CIBAR2: variants seen among roughly 807,000 people sequenced by gnomAD.
CIBAR2 encodes CBY1 interacting BAR domain containing 2.
Under a neutral mutation model 36.2 loss-of-function variants are expected in CIBAR2, and 38 were observed. The observed-to-expected ratio is 1.05, with a 90% confidence interval of 0.81 to 1.38. The LOEUF (loss-of-function observed/expected upper bound fraction) is 1.38, where lower values mean the gene tolerates loss of function less well. Among genes scored for constraint, CIBAR2 ranks in the 40% most tolerant of loss-of-function variants. The pLI is 0.00. For missense variants in CIBAR2, 481 were observed against 383.4 expected (o/e 1.25, Z -2.13); for synonymous variants, 182 against 149.5 (o/e 1.22, Z -1.58).
intron 5 of CIBAR2, among the ~76,000 whole-genome samples, chr16:85,107,078 G>A (rs530051768): frequency 3.2e-4 from 48 of 152,166 alleles, no homozygotes; most frequent in African/African-American, 1.1e-3. Context: ...CCCTGGAGGC[G>A]GAGGTTGCAG....
chr16:85,102,429 G>A (rs1471169214), intron 6 of CIBAR2, 102 bp from the exon 7 acceptor site: 21 of 725,284 alleles, frequency 2.9e-5, no homozygotes, highest in South Asian at 9.0e-5. Context: ...AGGGCTGTCC[G>A]TGTGGGGACA....
At chr16:85,110,731 G>A (rs1216237731) in intron 1 of CIBAR2, among the ~76,000 whole-genome samples, 2 of 130,316 alleles carry the variant, frequency 1.5e-5, no homozygotes, top group Non-Finnish European at 3.2e-5. Flanking sequence ...TGGAGACAGA[G>A]TCTTGCTCTG....
intron 1 of CIBAR2, among the ~76,000 whole-genome samples, chr16:85,110,702 G>T (rs1323726376): frequency 1.0e-5 from 1 of 98,456 alleles, no homozygotes; most frequent in Non-Finnish European, 2.1e-5. Context: ...TGCAGACCTG[G>T]CCTTTTTTTT....
intron 5 of CIBAR2, among the ~76,000 whole-genome samples, chr16:85,107,350 T>C (rs8059088): frequency 0.8 from 121,680 of 151,990 alleles, 49,225 homozygotes; most frequent in African/African-American, 0.91. Flanking sequence ...CCCATAACTG[T>C]GTCTCTGTGA....
rs2073940202 is a variant in CIBAR2, at chr16:85,099,780, C to T, written c.753+359G>A. The stretch of plus-strand genomic sequence containing the variant: ...CTGGGATTACAGGCATACACCACCA[C>T]ACCCGGCTAATTTTTGCTTTTTTTT... On this transcript the variant is annotated intron_variant, in intron 8 of 8. Coordinates refer to ENST00000539556, the MANE Select transcript of CIBAR2 (RefSeq NM_198491.3). 4.7e-5 allele frequency among the ~76,000 whole-genome samples: 7 copies of T among 149,502 alleles called. No homozygotes were observed. In the South Asian group the frequency reaches 1.3e-3, roughly 28 times the overall value.
At chr16:85,101,149 G>A (rs776728986) in intron 7 of CIBAR2, among the ~76,000 whole-genome samples, 4 of 152,166 alleles carry the variant, frequency 2.6e-5, no homozygotes, top group Admixed American at 6.5e-5. Flanking sequence ...CGTAGACCCC[G>A]AGGAAGACCC....
At chr16:85,108,346 A>G (rs1250273257) in intron 2 of CIBAR2, among the ~76,000 whole-genome samples, 1 of 152,112 alleles carries the variant, frequency 6.6e-6, no homozygotes, top group Non-Finnish European at 1.5e-5. Flanking sequence ...TCACCTGTCA[A>G]ATGAGGTCAT....
At position 85,107,705 on chromosome 16, in the gene CIBAR2, G is replaced by A. The variant is rs1222555162; in HGVS notation, c.427-33C>T. 5.6e-6 allele frequency: 9 copies of A among 1,613,642 alleles called. No homozygotes were observed. In the Admixed American group the frequency reaches 1.5e-4, roughly 27 times the overall value. ...ACGTGCTGTTAAGGAACCAAGTTAA[G>A]CCCAGGCAGCCCCGTTGGGGTGGTC... On this transcript the variant is annotated intron_variant, in intron 4 of 8. Coordinates refer to ENST00000539556, the MANE Select transcript of CIBAR2 (RefSeq NM_198491.3).
intron 1 of CIBAR2, 37 bp downstream of exon 1, chr16:85,112,296 A>T (rs1384128914): frequency 6.2e-7 from 1 of 1,608,340 alleles, no homozygotes; most frequent in Non-Finnish European, 8.5e-7. Flanking sequence ...CCCGACTTCC[A>T]CCTCCCTCAC....
chr16:85,106,513 G>C (rs181228667), intron 5 of CIBAR2, among the ~76,000 whole-genome samples: 1 of 152,086 alleles, frequency 6.6e-6, no homozygotes, highest in African/African-American at 2.4e-5. Context: ...AGAGGGAGGC[G>C]GGCAGGTCAG....
chr16:85,102,364 A>G (rs111501652), intron 6 of CIBAR2, 37 bp from the exon 7 acceptor site: 1 of 1,277,346 alleles, frequency 7.8e-7, no homozygotes, highest in Admixed American at 1.7e-5. Context: ...TAAGCATCGC[A>G]GTGAGAAAGA....
intron 6 of CIBAR2, among the ~76,000 whole-genome samples, chr16:85,104,138 A>G (rs1270362286): frequency 6.6e-6 from 1 of 152,212 alleles, no homozygotes; most frequent in Non-Finnish European, 1.5e-5. Flanking sequence ...AAGGGGCCTG[A>G]CCAGTCTTGG....
At chr16:85,103,219 TC>T (rs1242719956) in intron 6 of CIBAR2, among the ~76,000 whole-genome samples, 9 of 152,168 alleles carry the variant, frequency 5.9e-5, no homozygotes, top group Non-Finnish European at 1.3e-4. Flanking sequence ...TTCTGCCCCT[TC>T]TGCCACATGC....
Position 85,110,230 on chromosome 16 carries a change from G to C in CIBAR2, c.251C>G (p.Ala84Gly). 1 of 1,559,540 alleles carries C rather than the reference G, an allele frequency of 6.4e-7. No individual in the cohort carries two copies. The highest frequency in any genetic ancestry group is 1.8e-5 in the Admixed American group (1 of 54,494). The change falls in exon 2 of 9, where the codon GCC becomes GGC. Residue 84 changes from alanine to glycine, a missense_variant. Coordinates refer to ENST00000539556, the MANE Select transcript of CIBAR2 (RefSeq NM_198491.3). ...DLAKVQDYRQ[A>G]QVERLETKVV... ...ACCCGGGCCGGCAGCACTCACCTGGGCCTGCCGGTAATCCTGCACTTTGGC... is the reference window on the plus strand; with the variant it reads ...ACCCGGGCCGGCAGCACTCACCTGGCCCTGCCGGTAATCCTGCACTTTGGC...
intron 1 of CIBAR2, among the ~76,000 whole-genome samples, chr16:85,111,152 C>T (rs969202279): frequency 1.3e-5 from 2 of 152,098 alleles, no homozygotes; most frequent in Admixed American, 6.5e-5. Context: ...TCATCCCCAG[C>T]GTGTAACTGT....
chr16:85,103,952 C>A (rs1400373274), intron 6 of CIBAR2, among the ~76,000 whole-genome samples: 1 of 152,262 alleles, frequency 6.6e-6, no homozygotes, highest in African/African-American at 2.4e-5. Context: ...ACGGTGTCAA[C>A]TCCGTGAGCT....
Position 85,105,354 on chromosome 16 carries a change from GA to G in CIBAR2, c.509del (p.Phe170SerfsTer17), listed in dbSNP as rs2073987476. 6.2e-7 allele frequency: 1 copy of G among 1,613,400 alleles called. No homozygotes were observed. The highest frequency in any genetic ancestry group is 8.5e-7 in the Non-Finnish European group (1 of 1,179,914). On this transcript the variant is annotated frameshift_variant, in exon 6 of 9. Transcript: ENST00000539556. LOFTEE classifies it high-confidence loss of function. ...GCAGGTCCTTGAGCTTCTGCCTCTG[GA>G]AGCCATCCACAGTCTCCTCCAGCTG... Reference protein sequence around the residue: ...TLQLEETVDGFQRQKLKDLQK... With the variant: ...TLQLEETVDGXQRQKLKDLQK...
chr16:85,105,448 A>G lies in CIBAR2; in HGVS notation c.433-17T>C, dbSNP rs1215471327. The G allele has an allele frequency of 6.3e-7, 1 of 1,587,144 alleles. No homozygotes were observed. The highest frequency in any genetic ancestry group is 1.7e-5 in the Admixed American group (1 of 59,962). ...GGTCTCTGCCTGGCCCCAGGGACAC[A>G]AGACGTAGAAAGTGTCATGGGGGTG... is the stretch of plus-strand genomic sequence containing the variant. On this transcript the variant is annotated splice_polypyrimidine_tract_variant and intron_variant, in intron 5 of 8. Coordinates refer to ENST00000539556, the MANE Select transcript of CIBAR2 (RefSeq NM_198491.3).
In CIBAR2 at chr16:85,112,450, T is replaced by A; in HGVS notation, c.-98A>T. On this transcript the variant is annotated 5_prime_UTR_variant, in exon 1 of 9. Coordinates refer to ENST00000539556, the MANE Select transcript of CIBAR2 (RefSeq NM_198491.3). Reference sequence around the variant, plus strand: ...GGAGCCGGGCAGGGCTGGGTGCAGCTGTGTGGCCTGGGCTCAAGGGACGCT... The same window carrying A: ...GGAGCCGGGCAGGGCTGGGTGCAGCAGTGTGGCCTGGGCTCAAGGGACGCT... The A allele has an allele frequency of 1.6e-6, 2 of 1,265,706 alleles. No individual in the cohort carries two copies. The highest frequency in any genetic ancestry group is 2.3e-6 in the Non-Finnish European group (2 of 868,124). 78.4% of individuals were successfully genotyped at this position (1,265,706 alleles called of 1,614,324 possible).
Sources: gnomAD v4.1 joint callset for allele counts (sites outside exome capture counted in the v4.1 genomes callset) on GRCh38, gnomAD v4.1.1 for gene constraint, MANE v1.5 for transcripts, NCBI Gene and HGNC (gene_info 2026-07-23, HGNC 2026-07-21) for gene names.